The following NECTIN2 variants were observed in gnomAD, a reference collection of about 807,000 sequenced individuals.
The protein encoded by NECTIN2 is nectin cell adhesion molecule 2.
In NECTIN2, 23 loss-of-function variants were observed where a neutral mutation model predicts 56.9. The ratio of observed to expected loss-of-function variants is 0.40; its 90% CI spans 0.29 to 0.57. The LOEUF (loss-of-function observed/expected upper bound fraction) is 0.57. Among genes scored for constraint, NECTIN2 ranks in the 20% least tolerant of loss-of-function variants. The pLI is 0.38. For missense variants in NECTIN2, 587 were observed against 718.3 expected (o/e 0.82, Z 2.09); for synonymous variants, 302 against 313.8 (o/e 0.96, Z 0.40).
intron 1 of NECTIN2, among the ~76,000 whole-genome samples, chr19:44,863,829 G>A (rs868110195): frequency 2.8e-4 from 39 of 141,112 alleles, no homozygotes; most frequent in Non-Finnish European, 5.2e-4. Flanking sequence ...GCAACAGAGC[G>A]AGACTCAGTC....
intron 5 of NECTIN2, among the ~76,000 whole-genome samples, chr19:44,876,274 G>A (rs1189420970): frequency 2.7e-5 from 4 of 150,924 alleles, no homozygotes; most frequent in East Asian, 2.0e-4. Flanking sequence ...GACAGACACC[G>A]AACTGGAAAT....
In NECTIN2 at chr19:44,886,130, C is replaced by A. The variant is rs1243548712; in HGVS notation, c.1261-3C>A. On this transcript the variant is annotated splice_region_variant and splice_polypyrimidine_tract_variant and intron_variant, in intron 7 of 8. Transcript: ENST00000252483. The stretch of plus-strand genomic sequence containing the variant: ...TGACCTCCCCGCCCCTCTCCCACTA[C>A]AGCCCTCCCAGCTCTTCACTCTGGG... The A allele has an allele frequency of 1.9e-6, 3 of 1,611,202 alleles. No individual in the cohort carries two copies. In the South Asian group the frequency reaches 3.3e-5, roughly 18 times the overall value.
chr19:44,879,102 A>G (rs1254055249), intron 5 of NECTIN2, among the ~76,000 whole-genome samples: 1 of 152,072 alleles, frequency 6.6e-6, no homozygotes, highest in African/African-American at 2.4e-5. Context: ...GGCTCGGACC[A>G]CTTGGATCCT....
intron 1 of NECTIN2, among the ~76,000 whole-genome samples, chr19:44,850,240 A>C (rs1473479265): frequency 6.6e-6 from 1 of 152,016 alleles, no homozygotes; most frequent in Non-Finnish European, 1.5e-5. Context: ...GACCCTGGGA[A>C]TTGGAGACAC....
intron 6 of NECTIN2, 68 bp downstream of exon 6, chr19:44,882,432 G>A: frequency 7.9e-7 from 1 of 1,269,958 alleles, no homozygotes; most frequent in African/African-American, 1.5e-5. Flanking sequence ...GGGTAGGGGT[G>A]AGGGTGGGAG....
Position 44,874,189 on chromosome 19 carries a change from G to A in NECTIN2, c.894-141G>A. ...TCCTAAGTCCTCCAGGATGAAGGGA[G>A]CTTGCATTTTGGCAATTTGGGGTCT... On this transcript the variant is annotated intron_variant, in intron 4 of 8. Coordinates refer to ENST00000252483, the MANE Select transcript of NECTIN2 (RefSeq NM_001042724.2). This position sits in a 1 kb window ranked among gnomAD's most constrained non-coding sequence, Gnocchi z 6.3. 7.9e-7 allele frequency: 1 copy of A among 1,264,594 alleles called. No individual in the cohort carries two copies. The highest frequency in any genetic ancestry group is 2.3e-5 in the East Asian group (1 of 42,946). 78.3% of individuals were successfully genotyped at this position (1,264,594 alleles called of 1,614,324 possible).
intron 5 of NECTIN2, chr19:44,878,886 CT>C (rs1969276288): frequency 7.8e-7 from 1 of 1,289,290 alleles, no homozygotes; most frequent in Non-Finnish European, 9.8e-7. Context: ...TGGCTCCAGC[CT>C]TCCCCTGGCC....
chr19:44,867,156 T>G (rs1969110677), intron 2 of NECTIN2, among the ~76,000 whole-genome samples: 1 of 151,938 alleles, frequency 6.6e-6, no homozygotes, highest in African/African-American at 2.4e-5. Flanking sequence ...GTAGCTGGGA[T>G]TACAGGCTCC....
At chr19:44,885,090 G>A (rs550893024) in intron 6 of NECTIN2, among the ~76,000 whole-genome samples, 6 of 151,286 alleles carry the variant, frequency 4.0e-5, no homozygotes, top group East Asian at 2.0e-4. Context: ...TCCACCTCCC[G>A]GGTTCAAGCA....
In NECTIN2 at chr19:44,884,993, C is replaced by CTTTTCTTTTT. The variant is rs1275504089; in HGVS notation, c.1197-933_1197-924dup. On this transcript the variant is annotated intron_variant, in intron 6 of 8. Transcript: ENST00000252483. The stretch of plus-strand genomic sequence containing the variant: ...ATCTTTCTTTTTTTTCTTTTCTTTT[C>CTTTTCTTTTT]TTTTCTTTTTTTTTCTTTTTGAGGT... Among the ~76,000 whole-genome samples the CTTTTCTTTTT allele has an allele frequency of 2.0e-5, 3 of 151,946 alleles. No homozygotes were observed. In the East Asian group the frequency reaches 5.8e-4, roughly 29 times the overall value.
intron 5 of NECTIN2, among the ~76,000 whole-genome samples, chr19:44,879,658 T>C (rs1264959614): frequency 6.6e-6 from 1 of 152,054 alleles, no homozygotes; most frequent in Non-Finnish European, 1.5e-5. Context: ...CCTTGGTCCT[T>C]GAACTCCCAG....
intron 1 of NECTIN2, among the ~76,000 whole-genome samples, chr19:44,847,164 G>A (rs1265993398): frequency 6.6e-6 from 1 of 152,172 alleles, no homozygotes; most frequent in East Asian, 1.9e-4. Flanking sequence ...GAGGGCTAAG[G>A]ATAAGAGTTC....
At chr19:44,849,875 C>T (rs1236942138) in intron 1 of NECTIN2, among the ~76,000 whole-genome samples, 3 of 152,128 alleles carry the variant, frequency 2.0e-5, no homozygotes, top group African/African-American at 7.2e-5. Context: ...TCTATAATTG[C>T]TCGGGTGATG....
At chr19:44,872,351 G>C (rs927590151) in intron 3 of NECTIN2, among the ~76,000 whole-genome samples, 3 of 151,932 alleles carry the variant, frequency 2.0e-5, no homozygotes, top group African/African-American at 7.3e-5. Flanking sequence ...GCTTTACTGG[G>C]TTCCTGCATG....
intron 1 of NECTIN2, among the ~76,000 whole-genome samples, chr19:44,862,303 T>C (rs1969040727): frequency 6.6e-6 from 1 of 151,090 alleles, no homozygotes. Flanking sequence ...TAGTCCCAGC[T>C]ACTCGGGAGG....
chr19:44,879,781 C>T (rs1484012854), intron 5 of NECTIN2, among the ~76,000 whole-genome samples: 1 of 152,192 alleles, frequency 6.6e-6, no homozygotes, highest in Non-Finnish European at 1.5e-5. Context: ...TGTCGTGGGA[C>T]CCAGTAAGGA....
chr19:44,878,664 C>A, intron 5 of NECTIN2: 1 of 1,544,676 alleles, frequency 6.5e-7, no homozygotes, highest in Non-Finnish European at 8.7e-7. Flanking sequence ...CCCTCCCGCC[C>A]CCGACCTGAC....
intron 1 of NECTIN2, among the ~76,000 whole-genome samples, chr19:44,852,579 C>T (rs757951639): frequency 6.6e-6 from 1 of 150,414 alleles, no homozygotes; most frequent in Non-Finnish European, 1.5e-5. Context: ...GGGCTCTGTG[C>T]AGAGGAGGGC....
chr19:44,860,789 C>T (rs1409322669), intron 1 of NECTIN2, among the ~76,000 whole-genome samples: 1 of 151,768 alleles, frequency 6.6e-6, no homozygotes, highest in Non-Finnish European at 1.5e-5. Context: ...GGGTATTTCA[C>T]CGTGTTGGCC....
Sources: allele counts gnomAD v4.1 joint callset (sites outside exome capture counted in the v4.1 genomes callset), GRCh38; gene constraint gnomAD v4.1.1; non-coding constraint Gnocchi (gnomAD v3.1); transcripts MANE v1.5; gene names NCBI Gene and HGNC (gene_info 2026-07-23, HGNC 2026-07-21).